The following TAFA2 variants were observed in gnomAD, a reference collection of about 807,000 sequenced individuals.
TAFA2 encodes the protein TAFA chemokine like family member 2.
TAFA2 carries 7 observed loss-of-function variants against 18.8 expected under a neutral mutation model. The observed-to-expected ratio is 0.37, with a 90% CI of 0.21 to 0.70. The LOEUF (loss-of-function observed/expected upper bound fraction) is 0.70, where lower values mean the gene tolerates loss of function less well. TAFA2 is among the 30% of genes least tolerant of loss of function. The pLI is 0.53. For synonymous variants in TAFA2, 60 were observed against 54.2 expected (o/e 1.11, Z -0.47); for missense variants, 122 against 158.1 (o/e 0.77, Z 1.23).
intron 2 of TAFA2, among the ~76,000 whole-genome samples, chr12:61,756,413 T>C (rs983130530): frequency 6.6e-6 from 1 of 152,110 alleles, no homozygotes; most frequent in African/African-American, 2.4e-5. Flanking sequence ...AATATTTTCT[T>C]AGCTAAGAAT....
chr12:62,188,881 C>A (rs1355607348), intron 1 of TAFA2, among the ~76,000 whole-genome samples: 1 of 152,056 alleles, frequency 6.6e-6, no homozygotes, highest in African/African-American at 2.4e-5. Flanking sequence ...TTAGTAAATA[C>A]CATATTGCCA....
chr12:61,996,450 G>A (rs534956077), intron 1 of TAFA2, among the ~76,000 whole-genome samples: 18 of 152,240 alleles, frequency 1.2e-4, no homozygotes, highest in South Asian at 8.3e-4. Flanking sequence ...CTGCAGAATC[G>A]CTCAGTCATT....
intron 4 of TAFA2, among the ~76,000 whole-genome samples, chr12:61,749,093 C>A (rs1208789448): frequency 6.8e-6 from 1 of 148,022 alleles, no homozygotes; most frequent in Non-Finnish European, 1.5e-5. Flanking sequence ...CAGCAAAACC[C>A]CGTTGTTACT....
chr12:62,167,573 C>G (rs1380302626), intron 1 of TAFA2, among the ~76,000 whole-genome samples: 2 of 152,132 alleles, frequency 1.3e-5, no homozygotes, highest in Non-Finnish European at 2.9e-5. Flanking sequence ...AGTTAAAACC[C>G]TTTAGCCCTA....
At chr12:62,197,086 T>C (rs2062652029), upstream of TAFA2, among the ~76,000 whole-genome samples, 1 of 152,186 alleles carries the variant, frequency 6.6e-6, no homozygotes, top group African/African-American at 2.4e-5. Flanking sequence ...AAACTGCACA[T>C]GCAAGGGATC....
chr12:61,821,411 C>T (rs1872318568), intron 2 of TAFA2, among the ~76,000 whole-genome samples: 1 of 151,976 alleles, frequency 6.6e-6, no homozygotes, highest in Non-Finnish European at 1.5e-5. Flanking sequence ...AAGTTCTCTT[C>T]CAGAACCTAA....
chr12:62,144,395 G>C (rs935155091), intron 1 of TAFA2, among the ~76,000 whole-genome samples: 4 of 151,922 alleles, frequency 2.6e-5, no homozygotes, highest in Admixed American at 6.6e-5. Context: ...TGTCGCAGGA[G>C]AGCTCAAAAA....
At chr12:62,057,415 T>G (rs1882216017) in intron 1 of TAFA2, among the ~76,000 whole-genome samples, 1 of 152,178 alleles carries the variant, frequency 6.6e-6, no homozygotes, top group South Asian at 2.1e-4. Flanking sequence ...ATTTTGATTT[T>G]GGTGATCCAT....
At chr12:62,226,216 C>T (rs1177210310) in intron 1 of TAFA2, among the ~76,000 whole-genome samples, 2 of 141,644 alleles carry the variant, frequency 1.4e-5, no homozygotes, top group African/African-American at 2.7e-5. Flanking sequence ...TTTTTTGAGA[C>T]GGAGTCTCGC....
chr12:61,870,184 G>A (rs926674288), intron 1 of TAFA2, among the ~76,000 whole-genome samples: 2 of 152,136 alleles, frequency 1.3e-5, no homozygotes, highest in African/African-American at 4.8e-5. Flanking sequence ...TCGTAACATC[G>A]TCACTCCTGT....
At chr12:61,972,222 T>C (rs1383222873) in intron 1 of TAFA2, among the ~76,000 whole-genome samples, 6 of 150,866 alleles carry the variant, frequency 4.0e-5, no homozygotes, top group African/African-American at 1.5e-4. Flanking sequence ...CTTTATACCA[T>C]ACACTTAACT....
chr12:61,759,326 C>A (rs1351954032), intron 2 of TAFA2, among the ~76,000 whole-genome samples: 1 of 151,968 alleles, frequency 6.6e-6, no homozygotes, highest in African/African-American at 2.4e-5. Context: ...AAGGGCATGA[C>A]GTGCTTTGTC....
intron 1 of TAFA2, among the ~76,000 whole-genome samples, chr12:61,889,003 C>T (rs1166799266): frequency 6.6e-6 from 1 of 152,182 alleles, no homozygotes; most frequent in Non-Finnish European, 1.5e-5. Flanking sequence ...GTGTTTCCAG[C>T]AGCAATGGGC....
In TAFA2 at chr12:61,797,679, G is replaced by C. The variant is rs1281445068; in HGVS notation, c.107-42655C>G. On this transcript the variant is annotated intron_variant, in intron 2 of 4. Coordinates refer to ENST00000416284, the MANE Select transcript of TAFA2 (RefSeq NM_178539.5). ...ACTCATTTTATTCAATCAGTGCTTC[G>C]GCACTGGTGAGAACGTTTCTCTGAA... 2.0e-5 allele frequency among the ~76,000 whole-genome samples: 3 copies of C among 152,066 alleles called. 1 individual carries two copies. The South Asian group carries it at 6.2e-4, about 32-fold the overall frequency.
intron 1 of TAFA2, among the ~76,000 whole-genome samples, chr12:62,156,597 A>G (rs1261433263): frequency 6.6e-6 from 1 of 152,170 alleles, no homozygotes; most frequent in African/African-American, 2.4e-5. Context: ...TATATATAAT[A>G]TATATGATGA....
At chr12:61,822,925 G>A (rs533298094) in intron 2 of TAFA2, among the ~76,000 whole-genome samples, 1 of 152,164 alleles carries the variant, frequency 6.6e-6, no homozygotes, top group South Asian at 2.1e-4. Context: ...TCTAGCCAAG[G>A]TTTATTTTAA....
intron 1 of TAFA2, among the ~76,000 whole-genome samples, chr12:62,187,209 G>A (rs1204950011): frequency 6.6e-6 from 1 of 152,050 alleles, no homozygotes; most frequent in Non-Finnish European, 1.5e-5. Flanking sequence ...CAGTGTCTCC[G>A]CATTGAGGAC....
chr12:62,139,360 C>T (rs980167667), intron 1 of TAFA2, among the ~76,000 whole-genome samples: 1 of 152,124 alleles, frequency 6.6e-6, no homozygotes, highest in African/African-American at 2.4e-5. Context: ...TCATTTTCCC[C>T]ATTTACGGAT....
At position 61,990,053 on chromosome 12, in the gene TAFA2, A is replaced by C. The variant is rs905459593; in HGVS notation, c.-1-122627T>G. 3.3e-5 allele frequency among the ~76,000 whole-genome samples: 5 copies of C among 152,264 alleles called. No homozygotes were observed. In the South Asian group the frequency reaches 1.0e-3, roughly 32 times the overall value. The stretch of plus-strand genomic sequence containing the variant: ...CATCACTACAACTCCCCAATTGAAA[A>C]CCAGCTCTAAATCTGAGATACAGCA... On this transcript the variant is annotated intron_variant, in intron 1 of 4. Transcript: ENST00000416284.
Sources: allele counts gnomAD v4.1 joint callset (sites outside exome capture counted in the v4.1 genomes callset), GRCh38; gene constraint gnomAD v4.1.1; transcripts MANE v1.5; gene names NCBI Gene and HGNC (gene_info 2026-07-23, HGNC 2026-07-21).